OGDH: variants seen among roughly 807,000 people sequenced by gnomAD.
The protein encoded by OGDH is 2-oxoglutarate dehydrogenase complex component E1.
Under a neutral mutation model 116.6 loss-of-function variants are expected in OGDH, and 38 were observed. That is an observed-to-expected ratio of 0.33 (90% CI 0.25 to 0.43). The LOEUF is 0.43. Ranked by LOEUF, OGDH falls within the 20% of genes least tolerant of loss-of-function variation. The pLI is 1.00. For synonymous variants in OGDH, 488 were observed against 533.3 expected, an observed-to-expected ratio of 0.92 and a Z score of 1.17; for missense variants, 825 against 1,357.2, an observed-to-expected ratio of 0.61 and a Z score of 6.16.
chr7:44,702,750 G>A (rs1382148208), intron 20 of OGDH, among the ~76,000 whole-genome samples: 7 of 152,090 alleles, frequency 4.6e-5, no homozygotes, highest in Non-Finnish European at 8.8e-5. Flanking sequence ...CCGCCACCAC[G>A]CCTGGCTAAT....
rs1004213171 is a variant in OGDH, at chr7:44,705,256, T to G, written c.2633-1969T>G. On this transcript the variant is annotated intron_variant, in intron 20 of 22. Transcript: ENST00000222673. The stretch of plus-strand genomic sequence containing the variant: ...TTTAGTAGAGACGGGGTTTCACCGT[T>G]TTAGCCGGGATGGTCTCGATCTCCT... 2.0e-5 allele frequency among the ~76,000 whole-genome samples: 3 copies of G among 147,694 alleles called. No individual in the cohort carries two copies. In the East Asian group the frequency reaches 6.1e-4, roughly 30 times the overall value.
At chr7:44,653,672 T>G (rs571168977) in intron 4 of OGDH, among the ~76,000 whole-genome samples, 1 of 151,724 alleles carries the variant, frequency 6.6e-6, no homozygotes, top group African/African-American at 2.4e-5. Context: ...ACTACAGGCA[T>G]GCGCCACCAC....
At chr7:44,666,942 T>C (rs945764437) in intron 5 of OGDH, 91 bp downstream of exon 5, 1 of 732,838 alleles carries the variant, frequency 1.4e-6, no homozygotes, top group Non-Finnish European at 2.2e-6. Flanking sequence ...TTTTTCTTTG[T>C]CCTATCTTTC....
Position 44,694,687 on chromosome 7 carries a change from G to C in OGDH, c.1668+111G>C. On this transcript the variant is annotated intron_variant, in intron 12 of 22. Transcript: ENST00000222673. This position sits in a 1 kb window ranked among gnomAD's most constrained non-coding sequence, Gnocchi z 4.2. Reference sequence around the variant, plus strand: ...TTGCCAGTTATGAGGATACACGTGAGAGGATGTGAAATATTTACAACTACA... The same window carrying C: ...TTGCCAGTTATGAGGATACACGTGACAGGATGTGAAATATTTACAACTACA... 8.2e-7 allele frequency: 1 copy of C among 1,223,812 alleles called. No individual in the cohort carries two copies. The highest frequency in any genetic ancestry group is 1.4e-5 in the South Asian group (1 of 71,366). 75.8% of individuals were successfully genotyped at this position (1,223,812 alleles called of 1,614,324 possible).
chr7:44,656,317 G>C, intron 4 of OGDH: 1 of 1,535,894 alleles, frequency 6.5e-7, no homozygotes, highest in South Asian at 1.2e-5. Flanking sequence ...CTGCCTCTCA[G>C]ATCTTGCAGT....
chr7:44,673,657 T>G, intron 5 of OGDH, 130 bp from the exon 6 acceptor site: 1 of 884,784 alleles, frequency 1.1e-6, no homozygotes, highest in Non-Finnish European at 1.8e-6. Flanking sequence ...TCAGTCACAC[T>G]TGATTGGAGT....
At chr7:44,705,641 G>A (rs1433776808) in intron 20 of OGDH, among the ~76,000 whole-genome samples, 1 of 152,178 alleles carries the variant, frequency 6.6e-6, no homozygotes, top group Admixed American at 6.5e-5. Context: ...GGGCTCAAGT[G>A]ATCCTCCTAC....
At chr7:44,611,573 G>A (rs1173976070) in intron 1 of OGDH, among the ~76,000 whole-genome samples, 1 of 151,960 alleles carries the variant, frequency 6.6e-6, no homozygotes, top group Non-Finnish European at 1.5e-5. Context: ...ACCGTGCCTG[G>A]CCTAATTTTT....
At chr7:44,669,145 CTT>C (rs869250474) in intron 5 of OGDH, among the ~76,000 whole-genome samples, 103 of 77,788 alleles carry the variant, frequency 1.3e-3, no homozygotes, top group African/African-American at 7.2e-3. Flanking sequence ...AGCCCGGCAG[CTT>C]TTTTTTTTTT....
At chr7:44,642,284 C>T (rs142490670) in intron 2 of OGDH, among the ~76,000 whole-genome samples, 9 of 152,112 alleles carry the variant, frequency 5.9e-5, no homozygotes, top group East Asian at 5.8e-4. Context: ...ATTAGCCATG[C>T]GTGGTGGTGC....
chr7:44,631,526 A>G (rs370167858), intron 2 of OGDH, among the ~76,000 whole-genome samples: 1 of 152,242 alleles, frequency 6.6e-6, no homozygotes, highest in East Asian at 1.9e-4. Context: ...GTGTTAAATC[A>G]GCTAAACTGA....
At chr7:44,686,046 C>G (rs866972964) in intron 10 of OGDH, among the ~76,000 whole-genome samples, 2 of 144,836 alleles carry the variant, frequency 1.4e-5, no homozygotes, top group Non-Finnish European at 3.0e-5. Flanking sequence ...TTCTTTCTTT[C>G]TTTTTTTTTT....
chr7:44,696,195 C>A, intron 13 of OGDH, 68 bp downstream of exon 13: 1 of 1,242,676 alleles, frequency 8.0e-7, no homozygotes, highest in Non-Finnish European at 1.2e-6. Flanking sequence ...ATCCTCTTCC[C>A]AGAAAAAATT....
rs540259490 is a variant in OGDH, at chr7:44,621,105, G to A, written c.-27-3212G>A. 1.2e-4 allele frequency among the ~76,000 whole-genome samples: 19 copies of A among 152,136 alleles called. No individual in the cohort carries two copies. In the East Asian group the frequency reaches 1.4e-3, roughly 11 times the overall value. On this transcript the variant is annotated intron_variant, in intron 1 of 22. Transcript: ENST00000222673. Reference sequence around the variant, plus strand: ...TGTTTGTTTTTAGAGATAGGGTCTCGCTCTGTCACCCAGGCTGGAGTGGAG... The same window carrying A: ...TGTTTGTTTTTAGAGATAGGGTCTCACTCTGTCACCCAGGCTGGAGTGGAG...
rs113122639 is a variant in OGDH, at chr7:44,659,900, CTGT to C, written c.518-6831_518-6829del. ...AGTTACTTGTTTCATTGGTTTTTTT[CTGT>C]TGTTTTGCTGTTTTCAATTTCATTG... On this transcript the variant is annotated intron_variant, in intron 4 of 22. Transcript: ENST00000222673. Among the ~76,000 whole-genome samples, 123 of 152,048 alleles carry C rather than the reference CTGT, an allele frequency of 8.1e-4. 2 individuals carry two copies. The highest frequency in any genetic ancestry group is 2.8e-3 in the African/African-American group (115 of 41,484).
At chr7:44,676,967 G>C (rs558769548) in intron 9 of OGDH, among the ~76,000 whole-genome samples, 11 of 152,268 alleles carry the variant, frequency 7.2e-5, no homozygotes, top group African/African-American at 2.6e-4. Flanking sequence ...ACAGACTGCA[G>C]GCAGGTGGGG....
At chr7:44,610,352 C>T (rs1453628822) in intron 1 of OGDH, among the ~76,000 whole-genome samples, 1 of 152,088 alleles carries the variant, frequency 6.6e-6, no homozygotes, top group Non-Finnish European at 1.5e-5. Context: ...GTTCTGTCCC[C>T]CAGGCTGGAG....
At chr7:44,687,221 C>T (rs73329032) in intron 10 of OGDH, among the ~76,000 whole-genome samples, 21,108 of 149,956 alleles carry the variant, frequency 0.14, 3,277 homozygotes, top group African/African-American at 0.37. Context: ...CTTCAGTCTC[C>T]TGAGTAGCCG....
rs371818366 is a variant in OGDH, at chr7:44,666,844, G to A, written c.626G>A (p.Arg209Gln). ...SALPLREIIR[R>Q]LEMAYCQHIG... ...CTTCCTCTGCGGGAGATCATCCGTC[G>A]GCTGGAGGTAAGAGCAGTTTCTGGA... is the stretch of plus-strand genomic sequence containing the variant. Residue 209 changes from arginine (R) to glutamine (Q), a missense_variant, in exon 5 of 23, where the codon CGG becomes CAG. This residue lies in a region of OGDH where 171 missense variants were observed against 276.8 expected (regional missense o/e 0.62). Transcript: ENST00000222673. The A allele has an allele frequency of 6.8e-6, 11 of 1,606,792 alleles. No individual in the cohort carries two copies. Among genetic ancestry groups the A allele is most frequent in the East Asian group, 4.5e-5 (2 of 44,320 alleles).
Sources: allele counts gnomAD v4.1 joint callset (sites outside exome capture counted in the v4.1 genomes callset), GRCh38; gene constraint gnomAD v4.1.1; regional missense constraint gnomAD v4.1.1; non-coding constraint Gnocchi (gnomAD v3.1); transcripts MANE v1.5; gene names NCBI Gene and HGNC (gene_info 2026-07-23, HGNC 2026-07-21).